NAV3: variants seen among roughly 807,000 people sequenced by gnomAD.
NAV3 encodes the protein neuron navigator 3.
In NAV3, 87 loss-of-function variants were observed where a neutral mutation model predicts 244.7. The observed-to-expected ratio is 0.36, with a 90% CI of 0.30 to 0.42. The LOEUF is 0.42. Among genes scored for constraint, NAV3 ranks in the 20% least tolerant of loss-of-function variants. The pLI is 1.00. For synonymous variants in NAV3, 1,126 were observed against 1,042.2 expected (o/e 1.08, Z -1.55); for missense variants, 2,663 against 2,893.3 (o/e 0.92, Z 1.83).
At chr12:77,832,866 C>T (rs531685622) in intron 1 of NAV3, among the ~76,000 whole-genome samples, 26 of 152,300 alleles carry the variant, frequency 1.7e-4, no homozygotes, top group African/African-American at 6.3e-4. Context: ...GTCAAGCTTT[C>T]CAAAGTCACA....
intron 1 of NAV3, among the ~76,000 whole-genome samples, chr12:77,845,524 A>G (rs1383797169): frequency 6.6e-6 from 1 of 152,142 alleles, no homozygotes; most frequent in Non-Finnish European, 1.5e-5. Context: ...TCCTATGTTT[A>G]AGTCAATTAA....
chr12:77,590,820 G>A (rs969287692), intron 2 of NAV3, among the ~76,000 whole-genome samples: 1 of 152,164 alleles, frequency 6.6e-6, no homozygotes, highest in African/African-American at 2.4e-5. Flanking sequence ...ACAGATCTGG[G>A]TATGAGTGCA....
At chr12:77,822,572 G>T (rs1203518345) in intron 2 of NAV3, among the ~76,000 whole-genome samples, 3 of 152,000 alleles carry the variant, frequency 2.0e-5, no homozygotes, top group African/African-American at 7.3e-5. Context: ...TTAGAAGCCA[G>T]GTCTGGAGAA....
intron 23 of NAV3, among the ~76,000 whole-genome samples, chr12:78,159,560 G>A (rs1040410052): frequency 1.3e-5 from 2 of 151,734 alleles, no homozygotes; most frequent in South Asian, 2.1e-4. Context: ...TCCCAGCTAC[G>A]CAGGAGGCTG....
intron 2 of NAV3, among the ~76,000 whole-genome samples, chr12:77,821,500 G>C (rs1025619283): frequency 3.9e-5 from 6 of 152,148 alleles, no homozygotes; most frequent in African/African-American, 1.4e-4. Flanking sequence ...ATGGTTACAT[G>C]GTGCTTGGGA....
rs774449519 is a variant in NAV3, at chr12:78,050,738, A to C, written c.2133-26A>C. 3.8e-6 allele frequency: 6 copies of C among 1,562,364 alleles called. No homozygotes were observed. In the South Asian group the frequency reaches 7.2e-5, roughly 19 times the overall value. On this transcript the variant is annotated intron_variant, in intron 10 of 39. Transcript: ENST00000397909. ...TATGGCCCTAAGTGAACCAGAGTAT[A>C]GTTATTTCTCCATTTTATTTGACAG...
chr12:77,703,351 A>G (rs187950086), intron 2 of NAV3, among the ~76,000 whole-genome samples: 70 of 152,210 alleles, frequency 4.6e-4, no homozygotes, highest in Non-Finnish European at 6.8e-4. Flanking sequence ...TATTACATGT[A>G]TCAGCACTTC....
chr12:78,086,423 T>C (rs1387889018), intron 12 of NAV3, among the ~76,000 whole-genome samples: 3 of 152,204 alleles, frequency 2.0e-5, no homozygotes, highest in Admixed American at 6.5e-5. Context: ...TGCAGCATTT[T>C]AAGTAATAAC....
At chr12:77,805,409 C>A (rs1871924574) in intron 2 of NAV3, among the ~76,000 whole-genome samples, 1 of 152,206 alleles carries the variant, frequency 6.6e-6, no homozygotes, top group Non-Finnish European at 1.5e-5. Context: ...GTCTTTTCTG[C>A]ATCTATTGAG....
chr12:78,082,192 C>T (rs1370504689), intron 12 of NAV3, among the ~76,000 whole-genome samples: 3 of 152,172 alleles, frequency 2.0e-5, no homozygotes, highest in Non-Finnish European at 4.4e-5. Flanking sequence ...ATTGTGAGGC[C>T]TCCCCAGCCA....
intron 2 of NAV3, among the ~76,000 whole-genome samples, chr12:77,749,602 G>A (rs7968085): frequency 0.45 from 67,969 of 151,880 alleles, 15,461 homozygotes; most frequent in Middle Eastern, 0.49. Flanking sequence ...TTTTGAAAAG[G>A]TTCAGCTAGG....
At chr12:77,838,114 A>G (rs1349782446) in intron 1 of NAV3, among the ~76,000 whole-genome samples, 2 of 152,294 alleles carry the variant, frequency 1.3e-5, no homozygotes, top group East Asian at 3.9e-4. Context: ...CTGTGCTTGC[A>G]CATTTAGTTA....
intron 12 of NAV3, among the ~76,000 whole-genome samples, chr12:78,108,117 T>G (rs61936246): frequency 6.6e-6 from 1 of 152,138 alleles, no homozygotes; most frequent in Non-Finnish European, 1.5e-5. Context: ...GTAAAAGATA[T>G]TCCTTGCAAA....
At chr12:77,834,527 G>A (rs1174940863) in intron 1 of NAV3, among the ~76,000 whole-genome samples, 2 of 152,162 alleles carry the variant, frequency 1.3e-5, no homozygotes, top group African/African-American at 4.8e-5. Flanking sequence ...AGTCTGTATG[G>A]ATTCAATGGC....
intron 3 of NAV3, among the ~76,000 whole-genome samples, chr12:77,951,732 T>C (rs1593095070): frequency 6.6e-6 from 1 of 152,112 alleles, no homozygotes; most frequent in Admixed American, 6.6e-5. Flanking sequence ...TGGAATACTA[T>C]GCAGCCATAA....
At chr12:78,180,769 T>G (rs1958463621) in intron 29 of NAV3, 102 bp from the exon 30 acceptor site, 2 of 913,636 alleles carry the variant, frequency 2.2e-6, no homozygotes, top group South Asian at 3.7e-5. Flanking sequence ...TATTAACATG[T>G]TTTATTTAAC....
intron 20 of NAV3, among the ~76,000 whole-genome samples, chr12:78,141,523 CT>C (rs1334881120): frequency 6.6e-6 from 1 of 152,102 alleles, no homozygotes; most frequent in Non-Finnish European, 1.5e-5. Context: ...ATTTTTTTCA[CT>C]CATTATCATT....
At chr12:77,823,597 CTTCT>C (rs371247917) in intron 2 of NAV3, among the ~76,000 whole-genome samples, 172 of 152,284 alleles carry the variant, frequency 1.1e-3, no homozygotes, top group African/African-American at 3.5e-3. Context: ...AGATCTGTAC[CTTCT>C]TTAACAATTT....
intron 2 of NAV3, among the ~76,000 whole-genome samples, chr12:77,823,544 T>C (rs1242015408): frequency 6.6e-6 from 1 of 152,232 alleles, no homozygotes; most frequent in African/African-American, 2.4e-5. Flanking sequence ...ATTCACAAAA[T>C]TGTATTTCTT....
Sources: allele counts gnomAD v4.1 joint callset (sites outside exome capture counted in the v4.1 genomes callset), GRCh38; gene constraint gnomAD v4.1.1; transcripts MANE v1.5; gene names NCBI Gene and HGNC (gene_info 2026-07-23, HGNC 2026-07-21).